The following ATP9A variants were observed in gnomAD, a reference collection of about 807,000 sequenced individuals.
ATP9A encodes ATPase phospholipid transporting 9A, also known as probable phospholipid-transporting ATPase IIA.
A neutral mutation model predicts 144.1 loss-of-function variants in ATP9A; 52 were observed. The ratio of observed to expected loss-of-function variants is 0.36; its 90% CI spans 0.29 to 0.45. The LOEUF (loss-of-function observed/expected upper bound fraction) is 0.45. Among genes scored for constraint, ATP9A ranks in the 20% least tolerant of loss-of-function variants. The probability of loss-of-function intolerance (pLI) is 1.00; values close to 1 mark genes in which losing one functional copy is unlikely to be tolerated. For missense variants in ATP9A, 947 were observed against 1,392.7 expected, an observed-to-expected ratio of 0.68 and a Z score of 5.09; for synonymous variants, 582 against 557.4, an observed-to-expected ratio of 1.04 and a Z score of -0.62.
At chr20:51,709,091 A>G (rs910864590) in intron 4 of ATP9A, among the ~76,000 whole-genome samples, 9 of 152,268 alleles carry the variant, frequency 5.9e-5, no homozygotes, top group African/African-American at 1.4e-4. Context: ...ACTGTGTTAT[A>G]TAAGAGAAAC....
intron 13 of ATP9A, among the ~76,000 whole-genome samples, chr20:51,657,606 C>T (rs995883105): frequency 2.0e-5 from 3 of 152,174 alleles, no homozygotes; most frequent in African/African-American, 7.2e-5. Flanking sequence ...CAGCACTCCC[C>T]TAGTTGTGAC....
intron 16 of ATP9A, among the ~76,000 whole-genome samples, chr20:51,628,138 G>A (rs2077257295): frequency 6.6e-6 from 1 of 152,206 alleles, no homozygotes; most frequent in Non-Finnish European, 1.5e-5. Flanking sequence ...GTGCAACTCT[G>A]CTCAAAATCA....
intron 26 of ATP9A, 31 bp downstream of exon 26, chr20:51,607,496 A>G (rs745629271): frequency 3.2e-6 from 5 of 1,580,002 alleles, no homozygotes; most frequent in Non-Finnish European, 4.3e-6. Context: ...ACCAGAGCAC[A>G]AGACAAACAG....
At chr20:51,694,149 C>T in intron 6 of ATP9A, 47 bp from the exon 7 acceptor site, 1 of 1,516,330 alleles carries the variant, frequency 6.6e-7, no homozygotes, top group Non-Finnish European at 9.2e-7. Context: ...AAGCACCCTT[C>T]CCTTGGCAGC....
At chr20:51,666,024 A>G (rs2077431463) in intron 13 of ATP9A, among the ~76,000 whole-genome samples, 1 of 152,196 alleles carries the variant, frequency 6.6e-6, no homozygotes, top group South Asian at 2.1e-4. Context: ...CTTCCGCAGG[A>G]CACCTCAAGG....
chr20:51,699,333 CAA>C (rs74175569), intron 4 of ATP9A, among the ~76,000 whole-genome samples: 23,490 of 69,616 alleles, frequency 0.34, 1,713 homozygotes, highest in Non-Finnish European at 0.36. Flanking sequence ...AACTCAATCT[CAA>C]AAAAAAAAAA....
chr20:51,701,602 C>A (rs2077593327), intron 4 of ATP9A, among the ~76,000 whole-genome samples: 1 of 152,178 alleles, frequency 6.6e-6, no homozygotes, highest in Non-Finnish European at 1.5e-5. Flanking sequence ...ATCCTTCATG[C>A]AAACACACCT....
chr20:51,730,422 C>T (rs1354545786), intron 1 of ATP9A, among the ~76,000 whole-genome samples: 1 of 152,106 alleles, frequency 6.6e-6, no homozygotes, highest in Non-Finnish European at 1.5e-5. Flanking sequence ...GAGCCAAGAT[C>T]GCACCACTGC....
chr20:51,674,004 C>G (rs1379687720), intron 11 of ATP9A, 149 bp downstream of exon 11: 1 of 922,816 alleles, frequency 1.1e-6, no homozygotes, highest in African/African-American at 1.7e-5. Flanking sequence ...GAGCCAAGAT[C>G]GCGCCACTGC....
chr20:51,629,131 A>G, intron 15 of ATP9A, 59 bp from the exon 16 acceptor site: 1 of 1,384,508 alleles, frequency 7.2e-7, no homozygotes, highest in Non-Finnish European at 1.0e-6. Context: ...TTCAGCGGCA[A>G]AGCCCGCTTC....
intron 4 of ATP9A, among the ~76,000 whole-genome samples, chr20:51,708,132 A>G (rs2077622224): frequency 6.6e-6 from 1 of 152,174 alleles, no homozygotes; most frequent in East Asian, 1.9e-4. Context: ...CAGTTGTATC[A>G]AAAATTAATC....
intron 18 of ATP9A, among the ~76,000 whole-genome samples, chr20:51,623,321 C>T (rs1017793289): frequency 6.6e-6 from 1 of 152,130 alleles, no homozygotes; most frequent in Admixed American, 6.5e-5. Flanking sequence ...ATCAGGTGCA[C>T]GACATGGCTA....
At chr20:51,767,014 C>T (rs2077907089) in intron 1 of ATP9A, among the ~76,000 whole-genome samples, 1 of 151,764 alleles carries the variant, frequency 6.6e-6, no homozygotes, top group Non-Finnish European at 1.5e-5. Flanking sequence ...GAGGCCTCTT[C>T]TTCGGAGGAT....
chr20:51,601,202 A>T lies in ATP9A; in HGVS notation c.*9T>A, dbSNP rs762419452. 1 of 1,595,416 alleles carries T rather than the reference A, an allele frequency of 6.3e-7. No individual in the cohort carries two copies. Among genetic ancestry groups the T allele is most frequent in the Non-Finnish European group, 8.5e-7 (1 of 1,170,546 alleles). ...CCAAGACCAGGGCCCCCTCCAGCGA[A>T]CGCACGGCCTATGATGTGAGCTTTG... On this transcript the variant is annotated 3_prime_UTR_variant, in exon 28 of 28. Coordinates refer to ENST00000338821, the MANE Select transcript of ATP9A (RefSeq NM_006045.3).
intron 1 of ATP9A, among the ~76,000 whole-genome samples, chr20:51,735,993 G>A (rs1490671458): frequency 6.6e-6 from 1 of 152,196 alleles, no homozygotes; most frequent in African/African-American, 2.4e-5. Flanking sequence ...AAGAAAATAA[G>A]GCCAGGGGCC....
chr20:51,637,306 T>TAAAAAAAAAAAAAAAAAAAAAA, intron 15 of ATP9A, among the ~76,000 whole-genome samples: 1 of 89,946 alleles, frequency 1.1e-5, no homozygotes, highest in Non-Finnish European at 2.0e-5. Context: ...TCCCTAACAT[T>TAAAAAAAAAAAAAAAAAAAAAA]AAAAAAAAAA....
intron 27 of ATP9A, among the ~76,000 whole-genome samples, chr20:51,603,017 T>G (rs966943198): frequency 2.0e-5 from 3 of 152,092 alleles, no homozygotes; most frequent in Non-Finnish European, 4.4e-5. Context: ...GGGCCATTGC[T>G]AGAGAGCCTG....
Position 51,607,534 on chromosome 20 carries a change from G to A in ATP9A, c.2796C>T (p.Ile932=). ...GTCTCCACTCATCCTTACCTTGATA[G>A]ATGCTAATCAAAACCCATATTAAGA... ...KTFLIWVLIS[I]YQGSTIMYGA... is the part of the protein sequence containing the mutation. The change falls in exon 26 of 28, where the codon ATC becomes ATT. Residue 932 remains isoleucine (I), a synonymous_variant. Coordinates refer to ENST00000338821, the MANE Select transcript of ATP9A (RefSeq NM_006045.3). The A allele has an allele frequency of 1.2e-6, 2 of 1,611,860 alleles. No homozygotes were observed. Among genetic ancestry groups the A allele is most frequent in the Non-Finnish European group, 1.7e-6 (2 of 1,178,162 alleles).
At position 51,610,016 on chromosome 20, in the gene ATP9A, A is replaced by G. The variant is rs575992638; in HGVS notation, c.2636+85T>C. 2,157 of 1,309,318 alleles carry G rather than the reference A, an allele frequency of 1.6e-3. 4 individuals carry two copies. The highest frequency in any genetic ancestry group is 2.8e-3 in the Admixed American group (152 of 54,676). The allele number at this position is 1,309,318 out of a possible 1,614,324, so 81.1% of individuals were successfully genotyped here. A position where few individuals can be genotyped will look rare whatever the true frequency, so the allele number is the denominator to read the frequency against. ...ATCCAATGTGGCTTGGGAACCCAAG[A>G]ATTTTTCCACCACGTTTCTTCTCTC... On this transcript the variant is annotated intron_variant, in intron 24 of 27. Coordinates refer to ENST00000338821, the MANE Select transcript of ATP9A (RefSeq NM_006045.3).
Sources: gnomAD v4.1 joint callset for allele counts (sites outside exome capture counted in the v4.1 genomes callset) on GRCh38, gnomAD v4.1.1 for gene constraint, MANE v1.5 for transcripts, NCBI Gene and HGNC (gene_info 2026-07-23, HGNC 2026-07-21) for gene names.